The following SV2B variants were observed in gnomAD, a reference collection of about 807,000 sequenced individuals.
SV2B encodes synaptic vesicle glycoprotein 2B.
Under a neutral mutation model 73.9 loss-of-function variants are expected in SV2B, and 41 were observed. That is an observed-to-expected ratio of 0.56 (90% CI 0.43 to 0.72). The LOEUF is 0.72. Ranked by LOEUF, SV2B falls within the 30% of genes least tolerant of loss-of-function variation. SV2B has a pLI of 0.00. For missense variants in SV2B, 764 were observed against 857.8 expected (o/e 0.89, Z 1.37); for synonymous variants, 314 against 314.2 (o/e 1.00, Z 0.01).
At chr15:91,184,951 A>G (rs1312431407) in intron 1 of SV2B, among the ~76,000 whole-genome samples, 1 of 152,232 alleles carries the variant, frequency 6.6e-6, no homozygotes, top group Non-Finnish European at 1.5e-5. Context: ...TCCAAATGAG[A>G]TAATTATTCA....
chr15:91,260,442 G>GAGAACCCCCTTCTTATT, intron 6 of SV2B, 33 bp downstream of exon 6: 1 of 1,537,258 alleles, frequency 6.5e-7, no homozygotes, highest in Non-Finnish European at 8.8e-7. Flanking sequence ...ATAAGAAGGG[G>GAGAACCCCCTTCTTATT]GTTCTCCTCT....
intron 2 of SV2B, among the ~76,000 whole-genome samples, chr15:91,235,345 G>A (rs774059839): frequency 3.3e-5 from 5 of 152,136 alleles, no homozygotes; most frequent in Admixed American, 6.5e-5. Context: ...AGTGGGCTGC[G>A]TTTATTATAA....
chr15:91,173,024 C>G (rs1258275806), intron 1 of SV2B, among the ~76,000 whole-genome samples: 1 of 151,626 alleles, frequency 6.6e-6, no homozygotes, highest in Non-Finnish European at 1.5e-5. Flanking sequence ...TTGAAAGATA[C>G]AAAGAGGAGA....
At position 91,205,529 on chromosome 15, in the gene SV2B, C is replaced by A. The variant is rs376662950; in HGVS notation, c.-391-20344C>A. On this transcript the variant is annotated intron_variant, in intron 1 of 12. Transcript: ENST00000394232. ...TACAGGTGTGCACCACCATGCCCGG[C>A]TAATATTTGTATTTTTAGTAGAGAT... 5.7e-4 allele frequency among the ~76,000 whole-genome samples: 86 copies of A among 152,096 alleles called. 3 individuals carry two copies. In the South Asian group the frequency reaches 0.017, roughly 30 times the overall value.
At chr15:91,113,022 G>A (rs536730011) in intron 1 of SV2B, among the ~76,000 whole-genome samples, 7 of 152,162 alleles carry the variant, frequency 4.6e-5, no homozygotes, top group African/African-American at 1.7e-4. Context: ...TTGAGAGATG[G>A]GGTCTCCCTA....
intron 1 of SV2B, among the ~76,000 whole-genome samples, chr15:91,162,729 T>C (rs12591682): frequency 0.47 from 71,442 of 152,116 alleles, 17,108 homozygotes; most frequent in East Asian, 0.7. Context: ...CCGAAGTTCC[T>C]GTTTCATTGC....
chr15:91,289,763 G>A lies in SV2B; in HGVS notation c.1868+83G>A. On this transcript the variant is annotated intron_variant, in intron 12 of 12. Coordinates refer to ENST00000394232, the MANE Select transcript of SV2B (RefSeq NM_001323032.3). This position sits in a 1 kb window ranked among gnomAD's most constrained non-coding sequence, Gnocchi z 4.9. ...CTACCTGCTCCCTAAATCTCATGCT[G>A]TGCATGGCCATCGTGGTCTTTCTGC... The A allele has an allele frequency of 1.4e-6, 2 of 1,420,462 alleles. No homozygotes were observed. Among genetic ancestry groups the A allele is most frequent in the Non-Finnish European group, 1.9e-6 (2 of 1,048,712 alleles). 88.0% of individuals were successfully genotyped at this position (1,420,462 alleles called of 1,614,324 possible).
intron 1 of SV2B, among the ~76,000 whole-genome samples, chr15:91,152,360 T>C (rs2043340730): frequency 6.6e-6 from 1 of 152,190 alleles, no homozygotes; most frequent in Admixed American, 6.5e-5. Context: ...TTTGCTGATA[T>C]CGCAGCTGGG....
At chr15:91,167,684 T>C (rs11073984) in intron 1 of SV2B, among the ~76,000 whole-genome samples, 11,751 of 152,248 alleles carry the variant, frequency 0.077, 497 homozygotes, top group Non-Finnish European at 0.09. Context: ...TTAACTTCAT[T>C]ACATTTGCAA....
intron 1 of SV2B, among the ~76,000 whole-genome samples, chr15:91,202,249 C>T (rs1181512870): frequency 6.6e-6 from 1 of 152,204 alleles, no homozygotes; most frequent in African/African-American, 2.4e-5. Flanking sequence ...GCCCTCTCTC[C>T]ACTAGAAGGT....
Position 91,225,902 on chromosome 15 carries a change from G to A in SV2B, c.-362G>A, listed in dbSNP as rs543950835. The A allele has an allele frequency of 3.5e-6, 1 of 281,806 alleles. No individual in the cohort carries two copies. Among genetic ancestry groups the A allele is most frequent in the East Asian group, 1.2e-4 (1 of 8,494 alleles). The allele number at this position is 281,806 out of a possible 1,614,324, so 17.5% of individuals were successfully genotyped here. On this transcript the variant is annotated 5_prime_UTR_variant, in exon 2 of 13. Coordinates refer to ENST00000394232, the MANE Select transcript of SV2B (RefSeq NM_001323032.3). ...TAACCTTCGGTGGCAGGACAAATCA[G>A]GCCAGCACGCAGTCTGCCAAGTCCT...
At chr15:91,213,552 C>T (rs980454475) in intron 1 of SV2B, among the ~76,000 whole-genome samples, 6 of 151,966 alleles carry the variant, frequency 3.9e-5, no homozygotes, top group African/African-American at 4.8e-5. Flanking sequence ...CTCTCCACCT[C>T]GAAGGCAGCA....
chr15:91,151,380 G>C (rs1301847161), intron 1 of SV2B, among the ~76,000 whole-genome samples: 1 of 152,134 alleles, frequency 6.6e-6, no homozygotes, highest in African/African-American at 2.4e-5. Flanking sequence ...TGTTTATTTT[G>C]AAAGATAAAG....
At position 91,252,662 on chromosome 15, in the gene SV2B, C is replaced by T. The variant is rs1032382989; in HGVS notation, c.784+142C>T. ...CTTGATCTTTCTTAACAACTTCTAA[C>T]ATTGCAGACACATTGTTAATTTCAA... On this transcript the variant is annotated intron_variant, in intron 4 of 12. Coordinates refer to ENST00000394232, the MANE Select transcript of SV2B (RefSeq NM_001323032.3). This position sits in a 1 kb window ranked among gnomAD's most constrained non-coding sequence, Gnocchi z 4.6. 1.2e-6 allele frequency: 1 copy of T among 863,844 alleles called. No homozygotes were observed. Among genetic ancestry groups the T allele is most frequent in the Admixed American group, 4.3e-5 (1 of 23,484 alleles). The allele number at this position is 863,844 out of a possible 1,614,324, so 53.5% of individuals were successfully genotyped here. A position where few individuals can be genotyped will look rare whatever the true frequency, so the allele number is the denominator to read the frequency against.
In SV2B at chr15:91,124,655, CA is replaced by C. The variant is rs200751464; in HGVS notation, c.-392+24297del. ...AACAACAGAAATTTCTTTCTTTCAA[CA>C]AAAATTTTTTTTTTTTTGAGACAGT... On this transcript the variant is annotated intron_variant, in intron 1 of 12. Transcript: ENST00000394232. The surrounding 1 kb of genome is among the most constrained non-coding windows in gnomAD (Gnocchi z 4.6). Among the ~76,000 whole-genome samples, 18 of 151,264 alleles carry C rather than the reference CA, an allele frequency of 1.2e-4. No individual in the cohort carries two copies. Among genetic ancestry groups the C allele is most frequent in the African/African-American group, 2.4e-4 (10 of 40,902 alleles).
rs2049464163 is a variant in SV2B at position 91,302,207 on chromosome 15, G to A, written c.*9655G>A. Among the ~76,000 whole-genome samples, 1 of 152,196 alleles carries A rather than the reference G, an allele frequency of 6.6e-6. No homozygotes were observed. The highest frequency in any genetic ancestry group is 2.1e-4 in the South Asian group (1 of 4,826). Reference sequence around the variant, plus strand: ...AATAGACCGATGAATGAGCACATGAGTTGAATGGTGAGGAGCAAGTGAAGT... The same window carrying A: ...AATAGACCGATGAATGAGCACATGAATTGAATGGTGAGGAGCAAGTGAAGT... On this transcript the variant is annotated 3_prime_UTR_variant, in exon 13 of 13. Coordinates refer to ENST00000394232, the MANE Select transcript of SV2B (RefSeq NM_001323032.3).
At chr15:91,287,256 T>C (rs764913147) in intron 11 of SV2B, among the ~76,000 whole-genome samples, 1 of 152,274 alleles carries the variant, frequency 6.6e-6, no homozygotes, top group South Asian at 2.1e-4. Context: ...CACTCCGGGC[T>C]GAGGACCGTC....
At chr15:91,175,751 C>G (rs2044282344) in intron 1 of SV2B, among the ~76,000 whole-genome samples, 1 of 151,220 alleles carries the variant, frequency 6.6e-6, no homozygotes, top group Non-Finnish European at 1.5e-5. Flanking sequence ...TAGATCTAAT[C>G]TAATCTTGAT....
intron 1 of SV2B, among the ~76,000 whole-genome samples, chr15:91,206,336 C>T (rs2045640891): frequency 6.6e-6 from 1 of 151,972 alleles, no homozygotes; most frequent in South Asian, 2.1e-4. Flanking sequence ...GCCACCGTGC[C>T]CAGCCGATGA....
Sources: gnomAD v4.1 joint callset for allele counts (sites outside exome capture counted in the v4.1 genomes callset) on GRCh38, gnomAD v4.1.1 for gene constraint, Gnocchi (gnomAD v3.1) non-coding constraint, MANE v1.5 for transcripts, NCBI Gene and HGNC (gene_info 2026-07-23, HGNC 2026-07-21) for gene names.